NCKAP5: variants seen among roughly 807,000 people sequenced by gnomAD.
NCKAP5 encodes the protein nck-associated protein 5.
In NCKAP5, 92 loss-of-function variants were observed where a neutral mutation model predicts 167.0. The ratio of observed to expected loss-of-function variants is 0.55; its 90% CI spans 0.47 to 0.66. The LOEUF (loss-of-function observed/expected upper bound fraction) is 0.66, where lower values mean the gene tolerates loss of function less well. NCKAP5 is among the 30% of genes least tolerant of loss of function. The probability of loss-of-function intolerance (pLI) is 0.00; values close to 1 mark genes in which losing one functional copy is unlikely to be tolerated. For synonymous variants in NCKAP5, 891 were observed against 877.4 expected (o/e 1.02, Z -0.27); for missense variants, 2,378 against 2,315.0 (o/e 1.03, Z -0.56).
chr2:132,960,383 C>T (rs2076476016), intron 8 of NCKAP5, among the ~76,000 whole-genome samples: 2 of 152,134 alleles, frequency 1.3e-5, no homozygotes, highest in South Asian at 2.1e-4. Flanking sequence ...CGTTCTAAGG[C>T]GGGATCTGGG....
chr2:132,958,121 C>T (rs1024937081), intron 8 of NCKAP5, among the ~76,000 whole-genome samples: 3 of 152,098 alleles, frequency 2.0e-5, no homozygotes, highest in Admixed American at 6.6e-5. Flanking sequence ...CAAGGGCTCC[C>T]GCTAGTCCCC....
chr2:133,615,673 G>A, the NCKAP5 span, among the ~76,000 whole-genome samples: 1 of 152,110 alleles, frequency 6.6e-6, no homozygotes, highest in African/African-American at 2.4e-5. Context: ...GACCTACAAA[G>A]AGACTTAGAC....
chr2:133,666,353 A>T, the NCKAP5 span, among the ~76,000 whole-genome samples: 44,467 of 151,458 alleles, frequency 0.29, 7,331 homozygotes, highest in South Asian at 0.38. Flanking sequence ...AGCCACCACC[A>T]TGCCCGGCTA....
intron 11 of NCKAP5, among the ~76,000 whole-genome samples, chr2:132,858,936 G>A (rs182614005): frequency 2.0e-5 from 3 of 152,130 alleles, no homozygotes; most frequent in Admixed American, 6.5e-5. Flanking sequence ...AAGGCCTCAA[G>A]TTACAACAGG....
chr2:133,422,512 G>C (rs1199852299), intron 3 of NCKAP5, among the ~76,000 whole-genome samples: 3 of 152,170 alleles, frequency 2.0e-5, no homozygotes, highest in African/African-American at 7.2e-5. Flanking sequence ...AATAAAGGAA[G>C]TGTCTGTGAC....
intron 6 of NCKAP5, among the ~76,000 whole-genome samples, chr2:133,066,343 TC>T (rs2080195224): frequency 6.6e-6 from 1 of 152,224 alleles, no homozygotes; most frequent in Admixed American, 6.5e-5. Flanking sequence ...AAACCCGTCT[TC>T]TTTTTTACCC....
At chr2:133,625,172 G>T in the NCKAP5 span, among the ~76,000 whole-genome samples, 1 of 152,140 alleles carries the variant, frequency 6.6e-6, no homozygotes, top group East Asian at 1.9e-4. Context: ...TCATTGAAAA[G>T]TCATTCTTTT....
intron 3 of NCKAP5, among the ~76,000 whole-genome samples, chr2:133,325,273 G>C (rs1046971245): frequency 6.6e-6 from 1 of 152,106 alleles, no homozygotes; most frequent in Non-Finnish European, 1.5e-5. Flanking sequence ...TCCAAAGTGT[G>C]TACTCTGGCC....
chr2:133,074,590 G>A (rs1023860420), intron 6 of NCKAP5, among the ~76,000 whole-genome samples: 1 of 152,044 alleles, frequency 6.6e-6, no homozygotes, highest in Non-Finnish European at 1.5e-5. Flanking sequence ...TCAAACTTCT[G>A]AGCTCAAGCA....
chr2:133,503,800 G>A (rs1297951667), intron 3 of NCKAP5, among the ~76,000 whole-genome samples: 1 of 152,176 alleles, frequency 6.6e-6, no homozygotes, highest in Non-Finnish European at 1.5e-5. Context: ...AATTACCAAA[G>A]AGTTTCTCTG....
intron 6 of NCKAP5, among the ~76,000 whole-genome samples, chr2:133,043,675 C>T (rs2079290533): frequency 6.6e-6 from 1 of 152,148 alleles, no homozygotes; most frequent in Non-Finnish European, 1.5e-5. Flanking sequence ...CATTGAATAC[C>T]TAGAAAGATT....
chr2:133,076,599 T>C (rs191697979), intron 6 of NCKAP5, among the ~76,000 whole-genome samples: 102 of 152,304 alleles, frequency 6.7e-4, no homozygotes, highest in African/African-American at 2.3e-3. Flanking sequence ...ATGGAATTAT[T>C]TTTGCATTCA....
chr2:132,755,578 C>A (rs1241096991), intron 16 of NCKAP5, among the ~76,000 whole-genome samples: 1 of 152,066 alleles, frequency 6.6e-6, no homozygotes, highest in African/African-American at 2.4e-5. Context: ...TGCCTGTAAT[C>A]CCAGCACTTT....
At chr2:133,261,552 A>C (rs1221133438) in intron 4 of NCKAP5, among the ~76,000 whole-genome samples, 6 of 152,168 alleles carry the variant, frequency 3.9e-5, no homozygotes, top group Non-Finnish European at 8.8e-5. Context: ...TGCTATTATT[A>C]TTTCTTATCA....
chr2:133,452,910 T>G (rs1691638285), intron 3 of NCKAP5, among the ~76,000 whole-genome samples: 2 of 152,294 alleles, frequency 1.3e-5, no homozygotes, highest in South Asian at 4.1e-4. Context: ...ATTCATTTAT[T>G]TATATTATTA....
intron 3 of NCKAP5, among the ~76,000 whole-genome samples, chr2:133,412,302 T>G (rs1312901667): frequency 6.6e-6 from 1 of 152,230 alleles, no homozygotes; most frequent in Non-Finnish European, 1.5e-5. Flanking sequence ...TACCAGAACC[T>G]GACCGTGCTG....
chr2:133,120,474 C>T (rs2082215991), intron 6 of NCKAP5, among the ~76,000 whole-genome samples: 1 of 152,148 alleles, frequency 6.6e-6, no homozygotes, highest in Non-Finnish European at 1.5e-5. Flanking sequence ...ATCAGAACAA[C>T]AATCTATACT....
chr2:132,798,952 C>T (rs1044541267), intron 11 of NCKAP5, among the ~76,000 whole-genome samples: 5 of 152,158 alleles, frequency 3.3e-5, no homozygotes, highest in African/African-American at 4.8e-5. Context: ...TACAAGCACA[C>T]ACATGTTCAT....
rs527251237 is a variant in NCKAP5 at position 133,233,288 on chromosome 2, G to A, written c.144-19509C>T. On this transcript the variant is annotated intron_variant, in intron 4 of 19. Transcript: ENST00000409261. The stretch of plus-strand genomic sequence containing the variant: ...CTCACAGATATGGTCCCTGCCCTCC[G>A]AAAGCTAGAAGTTGTTAAACACTAC... Among the ~76,000 whole-genome samples, 103 of 152,238 alleles carry A rather than the reference G, an allele frequency of 6.8e-4. 1 individual carries two copies. The highest frequency in any genetic ancestry group is 1.3e-3 in the Non-Finnish European group (86 of 68,018).
Sources: gnomAD v4.1 joint callset for allele counts (sites outside exome capture counted in the v4.1 genomes callset) on GRCh38, gnomAD v4.1.1 for gene constraint, MANE v1.5 for transcripts, NCBI Gene and HGNC (gene_info 2026-07-23, HGNC 2026-07-21) for gene names.